The following SHISA9 variants were observed in gnomAD, a reference collection of about 807,000 sequenced individuals.
The protein encoded by SHISA9 is protein shisa-9.
Under a neutral mutation model 38.0 loss-of-function variants are expected in SHISA9, and 13 were observed. That is an observed-to-expected ratio of 0.34 (90% CI 0.22 to 0.54). SHISA9 has a LOEUF of 0.54. Among genes scored for constraint, SHISA9 ranks in the 20% least tolerant of loss-of-function variants. The pLI, the probability that SHISA9 is intolerant of heterozygous loss-of-function variation, is 0.91. For missense variants in SHISA9, 538 were observed against 575.8 expected, an observed-to-expected ratio of 0.93 and a Z score of 0.67; for synonymous variants, 275 against 242.0, an observed-to-expected ratio of 1.14 and a Z score of -1.27.
At chr16:13,309,124 C>A in the SHISA9 span, among the ~76,000 whole-genome samples, 5 of 151,834 alleles carry the variant, frequency 3.3e-5, no homozygotes, top group Non-Finnish European at 4.4e-5. Context: ...TCAATGTGGT[C>A]TTCTTGCACC....
the SHISA9 span, among the ~76,000 whole-genome samples, chr16:13,308,465 G>C: frequency 2.0e-5 from 3 of 152,156 alleles, no homozygotes; most frequent in Admixed American, 1.3e-4. Flanking sequence ...GATTATTTAG[G>C]CAGGAAAATA....
At chr16:13,111,594 A>G (rs894913457) in intron 2 of SHISA9, among the ~76,000 whole-genome samples, 1 of 152,212 alleles carries the variant, frequency 6.6e-6, no homozygotes, top group Non-Finnish European at 1.5e-5. Flanking sequence ...GCCAGAGTAA[A>G]CATTAACTAT....
chr16:13,402,669 G>A, the SHISA9 span, among the ~76,000 whole-genome samples: 28 of 152,092 alleles, frequency 1.8e-4, no homozygotes, highest in Admixed American at 7.2e-4. Context: ...AGGCCGCCAC[G>A]CCCGGCTATT....
chr16:13,404,940 T>C, the SHISA9 span, among the ~76,000 whole-genome samples: 1 of 152,168 alleles, frequency 6.6e-6, no homozygotes, highest in Admixed American at 6.5e-5. Flanking sequence ...GACACAGTCA[T>C]AGATGTGATG....
At chr16:13,252,127 C>G in the SHISA9 span, among the ~76,000 whole-genome samples, 102,712 of 152,016 alleles carry the variant, frequency 0.68, 35,432 homozygotes, top group African/African-American at 0.81. Flanking sequence ...AAAACAAGCC[C>G]AAAAGACCTT....
At chr16:13,464,191 A>G in the SHISA9 span, among the ~76,000 whole-genome samples, 1 of 152,190 alleles carries the variant, frequency 6.6e-6, no homozygotes, top group African/African-American at 2.4e-5. Context: ...GAAGCTTTCC[A>G]GGTAAGTGTG....
chr16:13,434,419 G>GTT, the SHISA9 span, among the ~76,000 whole-genome samples: 4 of 64,556 alleles, frequency 6.2e-5, no homozygotes, highest in African/African-American at 1.1e-4. Context: ...GACAAGCTAT[G>GTT]TTTTTTTTTT....
At chr16:13,213,686 A>G (rs2051141552) in intron 4 of SHISA9, among the ~76,000 whole-genome samples, 1 of 152,174 alleles carries the variant, frequency 6.6e-6, no homozygotes, top group African/African-American at 2.4e-5. Context: ...GGGAGAGAAA[A>G]ACATAATCAA....
At chr16:13,069,546 G>T (rs749246272) in intron 2 of SHISA9, among the ~76,000 whole-genome samples, 90 of 151,680 alleles carry the variant, frequency 5.9e-4, no homozygotes, top group South Asian at 4.2e-3. Context: ...TGCATGTGTA[G>T]GGTGTATGTA....
At chr16:13,227,748 G>C (rs775542547) in intron 4 of SHISA9, among the ~76,000 whole-genome samples, 1 of 152,140 alleles carries the variant, frequency 6.6e-6, no homozygotes, top group Non-Finnish European at 1.5e-5. Flanking sequence ...AAGCTTCCCT[G>C]ACCACCAACT....
At chr16:13,081,851 C>CAAA (rs35913412) in intron 2 of SHISA9, among the ~76,000 whole-genome samples, 10 of 86,062 alleles carry the variant, frequency 1.2e-4, no homozygotes, top group African/African-American at 3.7e-4. Context: ...GACTCCATCT[C>CAAA]AAAAAAAAAA....
At chr16:13,411,550 G>T in the SHISA9 span, among the ~76,000 whole-genome samples, 3 of 152,228 alleles carry the variant, frequency 2.0e-5, no homozygotes, top group Admixed American at 1.3e-4. Context: ...TGCTGCATGG[G>T]GTCATTCAGT....
the SHISA9 span, among the ~76,000 whole-genome samples, chr16:13,283,689 T>A: frequency 0.66 from 99,460 of 151,570 alleles, 32,845 homozygotes; most frequent in African/African-American, 0.73. Flanking sequence ...GCAATTCAAG[T>A]TGAGATTTGG....
chr16:13,288,342 G>T, the SHISA9 span, among the ~76,000 whole-genome samples: 44,311 of 151,952 alleles, frequency 0.29, 7,028 homozygotes, highest in Admixed American at 0.42. Context: ...TGCATGGTCA[G>T]GTTCTGGTGA....
the SHISA9 span, among the ~76,000 whole-genome samples, chr16:13,432,707 A>G: frequency 6.6e-6 from 1 of 152,210 alleles, no homozygotes. Flanking sequence ...TTTTGGTATC[A>G]AGATGTTAAC....
At chr16:13,330,328 T>G in the SHISA9 span, among the ~76,000 whole-genome samples, 1 of 152,222 alleles carries the variant, frequency 6.6e-6, no homozygotes, top group African/African-American at 2.4e-5. Flanking sequence ...GCTTTTAGAT[T>G]TTCATGTATC....
At position 13,237,664 on chromosome 16, in the gene SHISA9, A is replaced by G. The variant is rs553890076; in HGVS notation, c.*2255A>G. ...GGAGTGAGACTATCTCAAAAAAAAA[A>G]AAAAAAAGAAAAAAAAAGAGATCTT... On this transcript the variant is annotated 3_prime_UTR_variant, in exon 5 of 5. Coordinates refer to ENST00000558583, the MANE Select transcript of SHISA9 (RefSeq NM_001145204.3). 10 of 151,128 alleles carry G rather than the reference A, an allele frequency of 6.6e-5. No individual in the cohort carries two copies. The highest frequency in any genetic ancestry group is 2.2e-4 in the African/African-American group (9 of 41,370). 9.4% of individuals were successfully genotyped at this position (151,128 alleles called of 1,614,324 possible). A position where few individuals can be genotyped will look rare whatever the true frequency, so the allele number is the denominator to read the frequency against.
At chr16:12,995,662 A>C (rs879359349) in intron 2 of SHISA9, among the ~76,000 whole-genome samples, 1 of 152,218 alleles carries the variant, frequency 6.6e-6, no homozygotes, top group Non-Finnish European at 1.5e-5. Context: ...CCTCAGAGGA[A>C]TTCTCAAAGT....
At chr16:13,192,876 A>G (rs12325332) in intron 2 of SHISA9, among the ~76,000 whole-genome samples, 1 of 151,972 alleles carries the variant, frequency 6.6e-6, no homozygotes, top group Non-Finnish European at 1.5e-5. Context: ...CTCCATCTCA[A>G]AAAAAAGAGA....
Sources: gnomAD v4.1 joint callset for allele counts (sites outside exome capture counted in the v4.1 genomes callset) on GRCh38, gnomAD v4.1.1 for gene constraint, MANE v1.5 for transcripts, NCBI Gene and HGNC (gene_info 2026-07-23, HGNC 2026-07-21) for gene names.